Variants in ZNF438 observed in about 807,000 individuals in gnomAD.
ZNF438 encodes zinc finger protein 438.
ZNF438 carries 25 observed loss-of-function variants against 38.0 expected under a neutral mutation model. That is an observed-to-expected ratio of 0.66 (90% confidence interval 0.48 to 0.92). The LOEUF is 0.92. ZNF438 is among the 40% of genes least tolerant of loss of function. The pLI is 0.00. For missense variants in ZNF438, 1,007 were observed against 999.6 expected (o/e 1.01, Z -0.10); for synonymous variants, 372 against 364.1 (o/e 1.02, Z -0.25).
rs893253507 is a variant in ZNF438, at chr10:30,962,527, A to C, written c.-191-20876T>G. Among the ~76,000 whole-genome samples, 23 of 147,580 alleles carry C rather than the reference A, an allele frequency of 1.6e-4. 2 individuals carry two copies. The highest frequency in any genetic ancestry group is 1.2e-3 in the Admixed American group (17 of 14,678). Reference sequence around the variant, plus strand: ...GGTGGGTGTTCCCAAGTTCAAATACATTTGGGAAACACTGGGTTAAATAAA... The same window carrying C: ...GGTGGGTGTTCCCAAGTTCAAATACCTTTGGGAAACACTGGGTTAAATAAA... On this transcript the variant is annotated intron_variant, in intron 1 of 5. Coordinates refer to ENST00000413025, the Ensembl canonical transcript of ZNF438.
chr10:31,001,430 G>A (rs1052950767), intron 1 of ZNF438, among the ~76,000 whole-genome samples: 9 of 152,134 alleles, frequency 5.9e-5, no homozygotes, highest in South Asian at 2.1e-4. Flanking sequence ...TTCTGGGGAG[G>A]CCCACCCTAT....
At chr10:30,967,567 T>C (rs116358649) in intron 1 of ZNF438, among the ~76,000 whole-genome samples, 1,758 of 152,234 alleles carry the variant, frequency 0.012, 30 homozygotes, top group African/African-American at 0.039. Context: ...TACGAATGAA[T>C]AGATTCAAAA....
intron 1 of ZNF438, among the ~76,000 whole-genome samples, chr10:30,967,996 A>G (rs963016631): frequency 6.6e-6 from 1 of 152,174 alleles, no homozygotes; most frequent in African/African-American, 2.4e-5. Flanking sequence ...AGGGATGGAG[A>G]AAAAGGGGAA....
intron 4 of ZNF438, among the ~76,000 whole-genome samples, chr10:30,856,341 A>G (rs2034621961): frequency 1.3e-5 from 2 of 152,216 alleles, no homozygotes; most frequent in Admixed American, 1.3e-4. Flanking sequence ...AATTTGCAAT[A>G]AAGGCCAGTT....
intron 3 of ZNF438, among the ~76,000 whole-genome samples, chr10:30,894,762 C>G (rs143147621): frequency 0.012 from 1,774 of 152,268 alleles, 16 homozygotes; most frequent in Non-Finnish European, 0.02. Flanking sequence ...CTTTAAATAT[C>G]TCAGAAAACC....
intron 1 of ZNF438, among the ~76,000 whole-genome samples, chr10:30,974,898 G>A (rs1007788593): frequency 3.9e-5 from 6 of 152,022 alleles, no homozygotes; most frequent in Non-Finnish European, 8.8e-5. Flanking sequence ...TTAGAATAAA[G>A]GTCTCCTGCC....
intron 4 of ZNF438, among the ~76,000 whole-genome samples, chr10:30,852,427 C>G (rs369990670): frequency 2.0e-5 from 3 of 151,998 alleles, no homozygotes; most frequent in African/African-American, 7.2e-5. Context: ...AGGCTGGTCT[C>G]GAACTCCCGA....
chr10:30,929,801 C>G (rs994614329), intron 2 of ZNF438, among the ~76,000 whole-genome samples: 1 of 152,100 alleles, frequency 6.6e-6, no homozygotes, highest in African/African-American at 2.4e-5. Flanking sequence ...CATAAAAGTT[C>G]TCCAAGTCCC....
chr10:30,877,671 T>C (rs981672366), intron 3 of ZNF438, among the ~76,000 whole-genome samples: 2 of 152,178 alleles, frequency 1.3e-5, no homozygotes, highest in Admixed American at 6.5e-5. Context: ...GGTGATGGAA[T>C]TACAGGTGTT....
chr10:30,946,990 G>C (rs959178836), intron 1 of ZNF438, among the ~76,000 whole-genome samples: 7 of 152,106 alleles, frequency 4.6e-5, no homozygotes, highest in Non-Finnish European at 7.3e-5. Context: ...TAAAAACTTT[G>C]TAATAAAATT....
intron 1 of ZNF438, among the ~76,000 whole-genome samples, chr10:31,005,467 G>A (rs1288535404): frequency 6.6e-6 from 1 of 152,086 alleles, no homozygotes; most frequent in Non-Finnish European, 1.5e-5. Context: ...AAAGAAAGTT[G>A]AATACTTAGA....
chr10:30,891,140 T>C (rs1778742664), intron 3 of ZNF438, among the ~76,000 whole-genome samples: 1 of 152,202 alleles, frequency 6.6e-6, no homozygotes, highest in South Asian at 2.1e-4. Flanking sequence ...TGGGGCCTCT[T>C]AATCAGAAAA....
chr10:30,907,159 G>A (rs1449881562), intron 3 of ZNF438, among the ~76,000 whole-genome samples: 2 of 152,144 alleles, frequency 1.3e-5, no homozygotes, highest in Non-Finnish European at 1.5e-5. Context: ...ATTTTTAGTA[G>A]AGACGCGGTT....
chr10:30,850,029 G>T, exon 5 of ZNF438: 1 of 1,614,162 alleles, frequency 6.2e-7, no homozygotes, highest in Non-Finnish European at 8.5e-7. Flanking sequence ...TTTCTAGGGG[G>T]TTGATATCTA....
chr10:30,866,360 A>G (rs111943144), intron 4 of ZNF438, among the ~76,000 whole-genome samples: 30 of 152,334 alleles, frequency 2.0e-4, no homozygotes, highest in African/African-American at 6.3e-4. Flanking sequence ...AGACTTGGGT[A>G]TCTGGCAGAC....
intron 1 of ZNF438, among the ~76,000 whole-genome samples, chr10:30,995,043 G>A (rs1311653420): frequency 1.2e-4 from 17 of 145,378 alleles, no homozygotes; most frequent in Admixed American, 6.8e-5. Flanking sequence ...TCAGAGAGAG[G>A]AAAAAAAAAA....
At chr10:30,847,857 A>G (rs1488587881) in intron 5 of ZNF438, among the ~76,000 whole-genome samples, 1 of 152,168 alleles carries the variant, frequency 6.6e-6, no homozygotes, top group Non-Finnish European at 1.5e-5. Flanking sequence ...TCACTCACAC[A>G]TCCCTCACCA....
At chr10:30,882,587 A>G (rs2039414340) in intron 3 of ZNF438, among the ~76,000 whole-genome samples, 1 of 152,274 alleles carries the variant, frequency 6.6e-6, no homozygotes, top group Non-Finnish European at 1.5e-5. Context: ...GATAGACATT[A>G]AAGAGCAATA....
At chr10:30,934,094 C>T (rs2045974325) in intron 2 of ZNF438, among the ~76,000 whole-genome samples, 1 of 150,664 alleles carries the variant, frequency 6.6e-6, no homozygotes, top group African/African-American at 2.5e-5. Context: ...TGCAGTGAGC[C>T]GAGATCGCGC....
Sources: allele counts gnomAD v4.1 joint callset (sites outside exome capture counted in the v4.1 genomes callset), GRCh38; gene constraint gnomAD v4.1.1; transcripts MANE v1.5; gene names NCBI Gene and HGNC (gene_info 2026-07-23, HGNC 2026-07-21).